The following SLC2A1 variants were observed in gnomAD, a reference collection of about 807,000 sequenced individuals.
The protein encoded by SLC2A1 is solute carrier family 2, facilitated glucose transporter member 1.
SLC2A1 carries 4 observed loss-of-function variants against 46.6 expected under a neutral mutation model. The ratio of observed to expected loss-of-function variants is 0.09; its 90% CI spans 0.04 to 0.20. The LOEUF is 0.20. Ranked by LOEUF, SLC2A1 falls within the 10% of genes least tolerant of loss-of-function variation. SLC2A1 has a pLI of 1.00. For missense variants in SLC2A1, 352 were observed against 667.0 expected, an observed-to-expected ratio of 0.53 and a Z score of 5.20; for synonymous variants, 253 against 270.0, an observed-to-expected ratio of 0.94 and a Z score of 0.62.
chr1:42,936,250 C>A (rs1191328311), intron 2 of SLC2A1, among the ~76,000 whole-genome samples: 1 of 152,218 alleles, frequency 6.6e-6, no homozygotes, highest in African/African-American at 2.4e-5. Context: ...AGGGGCTAAA[C>A]TGCCAGCCAA....
intron 1 of SLC2A1, chr1:42,952,006 T>C (rs1643726446): frequency 4.8e-6 from 2 of 412,996 alleles, no homozygotes; most frequent in Non-Finnish European, 8.5e-6. Context: ...GCATCCTCAC[T>C]GGTCAGGGGG....
At chr1:42,944,446 C>T (rs144133315) in intron 1 of SLC2A1, among the ~76,000 whole-genome samples, 127 of 152,294 alleles carry the variant, frequency 8.3e-4, no homozygotes, top group Middle Eastern at 3.4e-3. Context: ...GCATTCACTA[C>T]GCACACTATA....
chr1:42,940,928 C>T lies in SLC2A1; in HGVS notation c.114+2298G>A, dbSNP rs116760130. On this transcript the variant is annotated intron_variant, in intron 2 of 9. Coordinates refer to ENST00000426263, the MANE Select transcript of SLC2A1 (RefSeq NM_006516.4). ...CACGCCTCCATTCCTGCACATCCCA[C>T]GGCCACCTCTCAGCTCCTGGCACAC... 1.5e-3 allele frequency among the ~76,000 whole-genome samples: 228 copies of T among 152,264 alleles called. 2 individuals carry two copies. The highest frequency in any genetic ancestry group is 5.3e-3 in the African/African-American group (221 of 41,546).
At position 42,927,830 on chromosome 1, in the gene SLC2A1, G is replaced by A. The variant is rs112198659; in HGVS notation, c.1075-22C>T. On this transcript the variant is annotated intron_variant, in intron 8 of 9. Coordinates refer to ENST00000426263, the MANE Select transcript of SLC2A1 (RefSeq NM_006516.4). This position sits in a 1 kb window ranked among gnomAD's most constrained non-coding sequence, Gnocchi z 5.3. ...GCTCCTGTTGAGGATGACGGAGAGG[G>A]GGAAAAGTTAGACTGGGTTGTGATG... is the stretch of plus-strand genomic sequence containing the variant. 8 of 1,585,174 alleles carry A rather than the reference G, an allele frequency of 5.0e-6. No homozygotes were observed. The African/African-American group carries it at 5.4e-5, about 11-fold the overall frequency.
At position 42,929,834 on chromosome 1, in the gene SLC2A1, G is replaced by A; in HGVS notation, c.679+39C>T. On this transcript the variant is annotated intron_variant, in intron 5 of 9. Transcript: ENST00000426263. The surrounding 1 kb of genome is among the most constrained non-coding windows in gnomAD (Gnocchi z 6.0). ...GGCTCAGAGTGGGAAGAAGGCCAGG[G>A]CTCAGGGAGTGGGGAGGAGGGCAGG... 6.2e-7 allele frequency: 1 copy of A among 1,614,174 alleles called. No homozygotes were observed. The highest frequency in any genetic ancestry group is 8.5e-7 in the Non-Finnish European group (1 of 1,179,988).
intron 2 of SLC2A1, among the ~76,000 whole-genome samples, chr1:42,935,938 T>A (rs1419627891): frequency 1.3e-5 from 2 of 152,206 alleles, no homozygotes; most frequent in Admixed American, 1.3e-4. Context: ...CTGTCACTCA[T>A]TGTTCTTTTT....
chr1:42,954,778 G>A lies in SLC2A1; in HGVS notation c.18+3856C>T, dbSNP rs1643756707. On this transcript the variant is annotated intron_variant, in intron 1 of 9. Coordinates refer to ENST00000426263, the MANE Select transcript of SLC2A1 (RefSeq NM_006516.4). This position sits in a 1 kb window ranked among gnomAD's most constrained non-coding sequence, Gnocchi z 4.2. ...GCAAAGTCATTTTTTATTGGACCAT[G>A]AGGTCACTGTAACTTGTATCACAGG... 6.6e-6 allele frequency among the ~76,000 whole-genome samples: 1 copy of A among 152,322 alleles called. No individual in the cohort carries two copies. Among genetic ancestry groups the A allele is most frequent in the African/African-American group, 2.4e-5 (1 of 41,566 alleles).
At position 42,958,607 on chromosome 1, in the gene SLC2A1, G is replaced by T. The variant is rs1014920179; in HGVS notation, c.18+27C>A. On this transcript the variant is annotated intron_variant, in intron 1 of 9. Transcript: ENST00000426263. ...AGGAGTCTGCGCCTTTGTTCCTGGC[G>T]GGAGGGCCCGCGGGCGCGCGACTCA... 9 of 1,521,236 alleles carry T rather than the reference G, an allele frequency of 5.9e-6. No individual in the cohort carries two copies. The East Asian group carries it at 2.3e-4, about 39-fold the overall frequency. The allele number at this position is 1,521,236 out of a possible 1,614,324, so 94.2% of individuals were successfully genotyped here.
intron 1 of SLC2A1, chr1:42,951,732 G>A (rs577120210): frequency 2.5e-6 from 1 of 395,446 alleles, no homozygotes; most frequent in South Asian, 1.3e-4. Flanking sequence ...CAGCTTGGAT[G>A]CCAGGACCTG....
chr1:42,930,314 TG>T lies in SLC2A1; in HGVS notation c.517-280del. The T allele has an allele frequency of 1.6e-6, 1 of 625,366 alleles. No individual in the cohort carries two copies. The allele number at this position is 625,366 out of a possible 1,614,324, so 38.7% of individuals were successfully genotyped here. ...CTGCTACTCTGCCACAAGAGGGTTT[TG>T]GGGACAGGGAAGGGGAAGCCTCCTG... is the stretch of plus-strand genomic sequence containing the variant. On this transcript the variant is annotated intron_variant, in intron 4 of 9. Transcript: ENST00000426263. The surrounding 1 kb of genome is among the most constrained non-coding windows in gnomAD (Gnocchi z 6.2).
At chr1:42,947,222 A>T (rs1643665907) in intron 1 of SLC2A1, among the ~76,000 whole-genome samples, 3 of 152,294 alleles carry the variant, frequency 2.0e-5, no homozygotes, top group Middle Eastern at 6.8e-3. Flanking sequence ...GAAGGGTACT[A>T]GCCCCATAGA....
chr1:42,929,522 G>A lies in SLC2A1; in HGVS notation c.867+71C>T, dbSNP rs758579411. ...GGCGTATCTGTTGTTTCAAGTTTGG[G>A]ACTTGTTCACCATGCACACTTGACC... On this transcript the variant is annotated intron_variant, in intron 6 of 9. Transcript: ENST00000426263. This position sits in a 1 kb window ranked among gnomAD's most constrained non-coding sequence, Gnocchi z 6.0. 9.6e-6 allele frequency: 14 copies of A among 1,456,374 alleles called. No homozygotes were observed. The Admixed American group carries it at 1.0e-4, about 11-fold the overall frequency. 90.2% of individuals were successfully genotyped at this position (1,456,374 alleles called of 1,614,324 possible). A position where few individuals can be genotyped will look rare whatever the true frequency, so the allele number is the denominator to read the frequency against.
In SLC2A1 at chr1:42,943,337, C is replaced by T; in HGVS notation, c.19-16G>A. On this transcript the variant is annotated splice_polypyrimidine_tract_variant and intron_variant, in intron 1 of 9. Transcript: ENST00000426263. ...CCGTCAGCTTCTGCGGAGAAACAAA[C>T]CACACTGTTATAGGCGTGTCTGGGA... The T allele has an allele frequency of 6.3e-7, 1 of 1,598,048 alleles. No homozygotes were observed. Among genetic ancestry groups the T allele is most frequent in the East Asian group, 2.2e-5 (1 of 44,700 alleles).
chr1:42,951,590 T>C, intron 1 of SLC2A1: 2 of 366,308 alleles, frequency 5.5e-6, no homozygotes, highest in Non-Finnish European at 9.7e-6. Flanking sequence ...GTCTTTAGGG[T>C]AAACACCAAA....
intron 2 of SLC2A1, among the ~76,000 whole-genome samples, chr1:42,939,965 A>G (rs1334915225): frequency 1.3e-5 from 2 of 151,500 alleles, no homozygotes; most frequent in African/African-American, 4.9e-5. Flanking sequence ...AAAAAAAAAA[A>G]AAAAAAAAGG....
chr1:42,945,747 A>AATAC (rs1553157048), intron 1 of SLC2A1, among the ~76,000 whole-genome samples: 15 of 139,196 alleles, frequency 1.1e-4, no homozygotes, highest in African/African-American at 4.1e-4. Flanking sequence ...TCAAAAAAAA[A>AATAC]AAAAAACAAA....
intron 1 of SLC2A1, among the ~76,000 whole-genome samples, chr1:42,955,430 G>A (rs1643762337): frequency 6.6e-6 from 1 of 152,148 alleles, no homozygotes. Context: ...GCAACATGGC[G>A]AAACCCTGTC....
intron 2 of SLC2A1, 92 bp from the exon 3 acceptor site, chr1:42,931,298 G>T: frequency 7.6e-7 from 1 of 1,310,886 alleles, no homozygotes; most frequent in Non-Finnish European, 1.1e-6. Context: ...CTAAGAGAGG[G>T]CCAGGGCCTG....
In SLC2A1 at chr1:42,925,836, G is replaced by A. The variant is rs886046331; in HGVS notation, c.*1205C>T. On this transcript the variant is annotated 3_prime_UTR_variant, in exon 10 of 10. Coordinates refer to ENST00000426263, the MANE Select transcript of SLC2A1 (RefSeq NM_006516.4). ...ACCTCTTTGAGCCTGTCCAATAAAG[G>A]TACAGTATTTACTTCACATTCAAAA... 6.6e-6 allele frequency: 1 copy of A among 152,134 alleles called. No homozygotes were observed. The highest frequency in any genetic ancestry group is 1.5e-5 in the Non-Finnish European group (1 of 68,038). The allele number at this position is 152,134 out of a possible 1,614,324, so 9.4% of individuals were successfully genotyped here.
Sources: allele counts gnomAD v4.1 joint callset (sites outside exome capture counted in the v4.1 genomes callset), GRCh38; gene constraint gnomAD v4.1.1; non-coding constraint Gnocchi (gnomAD v3.1); transcripts MANE v1.5; gene names NCBI Gene and HGNC (gene_info 2026-07-23, HGNC 2026-07-21).